Variants in NRXN3 observed in about 807,000 individuals in gnomAD.
NRXN3 encodes the protein neurexin 3, also known as neurexin III.
NRXN3 carries 32 observed loss-of-function variants against 137.6 expected under a neutral mutation model. The observed-to-expected ratio is 0.23, with a 90% confidence interval of 0.18 to 0.31. The LOEUF (loss-of-function observed/expected upper bound fraction) is 0.31, where lower values mean the gene tolerates loss of function less well. NRXN3 is among the 10% of genes least tolerant of loss of function. NRXN3 has a pLI of 1.00. For synonymous variants in NRXN3, 798 were observed against 784.5 expected (o/e 1.02, Z -0.29); for missense variants, 1,574 against 2,062.5 (o/e 0.76, Z 4.59).
At chr14:78,344,568 G>A (rs1321302082) in intron 4 of NRXN3, among the ~76,000 whole-genome samples, 1 of 152,172 alleles carries the variant, frequency 6.6e-6, no homozygotes, top group Non-Finnish European at 1.5e-5. Flanking sequence ...GCTACCACTG[G>A]CATTCAGGAT....
intron 8 of NRXN3, among the ~76,000 whole-genome samples, chr14:78,785,625 G>C (rs762861962): frequency 4.1e-4 from 63 of 152,168 alleles, no homozygotes; most frequent in Non-Finnish European, 1.3e-4. Flanking sequence ...AAGTGTTTAT[G>C]ACTTAATTTT....
chr14:78,916,196 A>G (rs954571916), intron 10 of NRXN3, among the ~76,000 whole-genome samples: 2 of 152,144 alleles, frequency 1.3e-5, no homozygotes, highest in Admixed American at 1.3e-4. Context: ...TTACACTGGA[A>G]TGGGTATAAA....
intron 4 of NRXN3, among the ~76,000 whole-genome samples, chr14:78,557,983 A>G (rs936086786): frequency 2.0e-5 from 3 of 152,224 alleles, no homozygotes; most frequent in African/African-American, 7.2e-5. Context: ...TATAGGTACT[A>G]TCATCCCCAT....
rs147133255 is a variant in NRXN3 at position 78,734,377 on chromosome 14, A to G, written c.2044+19238A>G. ...GATGTTATTTCAAAGACATACATAGATGAGCACTCCTGCATATCATGCTAT... is the reference window on the plus strand; with the variant it reads ...GATGTTATTTCAAAGACATACATAGGTGAGCACTCCTGCATATCATGCTAT... On this transcript the variant is annotated intron_variant, in intron 8 of 20. Coordinates refer to ENST00000335750, the MANE Select transcript of NRXN3 (RefSeq NM_001330195.2). 9.0e-4 allele frequency among the ~76,000 whole-genome samples: 137 copies of G among 152,332 alleles called. 1 individual carries two copies. Among genetic ancestry groups the G allele is most frequent in the African/African-American group, 3.3e-3 (137 of 41,578 alleles).
chr14:79,151,748 G>A (rs1270307125), intron 15 of NRXN3, among the ~76,000 whole-genome samples: 1 of 151,844 alleles, frequency 6.6e-6, no homozygotes, highest in African/African-American at 2.4e-5. Flanking sequence ...ACCGTGATGT[G>A]TCAGCAGCCT....
chr14:78,688,399 A>C (rs904657780), intron 6 of NRXN3, among the ~76,000 whole-genome samples: 1 of 152,184 alleles, frequency 6.6e-6, no homozygotes, highest in Non-Finnish European at 1.5e-5. Context: ...TTGCAAGAAA[A>C]AGGGAATGCT....
chr14:79,062,475 G>T (rs905990158), intron 15 of NRXN3, among the ~76,000 whole-genome samples: 2 of 152,126 alleles, frequency 1.3e-5, no homozygotes, highest in African/African-American at 4.8e-5. Context: ...TACTGACTCA[G>T]GCCCCCCAGA....
intron 16 of NRXN3, among the ~76,000 whole-genome samples, chr14:79,641,267 C>G (rs1310237930): frequency 7.4e-6 from 1 of 134,958 alleles, no homozygotes; most frequent in African/African-American, 2.5e-5. Context: ...CTCAGCCTCC[C>G]AAAGTGCTGG....
intron 4 of NRXN3, among the ~76,000 whole-genome samples, chr14:78,485,941 G>T (rs918653722): frequency 1.3e-5 from 2 of 152,176 alleles, no homozygotes; most frequent in African/African-American, 4.8e-5. Context: ...GTTTAGAGTT[G>T]TTTGATGACA....
intron 10 of NRXN3, among the ~76,000 whole-genome samples, chr14:78,899,581 T>C (rs1044176661): frequency 3.3e-5 from 5 of 152,012 alleles, no homozygotes; most frequent in Non-Finnish European, 7.4e-5. Flanking sequence ...ATTGGGAACT[T>C]AAGGGTTATT....
intron 15 of NRXN3, among the ~76,000 whole-genome samples, chr14:79,290,608 G>A (rs2083009571): frequency 6.6e-6 from 1 of 151,274 alleles, no homozygotes; most frequent in East Asian, 2.0e-4. Flanking sequence ...CATGGATGTG[G>A]TAGCAAGAGG....
chr14:79,384,817 A>G (rs1332265054), intron 15 of NRXN3, among the ~76,000 whole-genome samples: 1 of 152,208 alleles, frequency 6.6e-6, no homozygotes, highest in Non-Finnish European at 1.5e-5. Context: ...TAATAGTTCC[A>G]CGTTTTAGTA....
intron 15 of NRXN3, among the ~76,000 whole-genome samples, chr14:79,179,865 C>T (rs1547519): frequency 0.035 from 5,287 of 152,250 alleles, 245 homozygotes; most frequent in East Asian, 0.22. Flanking sequence ...TAATTCCCCT[C>T]AGGTGGAGAG....
intron 5 of NRXN3, among the ~76,000 whole-genome samples, chr14:78,649,479 A>T (rs1468291253): frequency 6.8e-6 from 1 of 147,176 alleles, no homozygotes; most frequent in Non-Finnish European, 1.5e-5. Flanking sequence ...AAGGGGATGC[A>T]CTTGTCCTAA....
In NRXN3 at chr14:78,243,886, G is replaced by A. The variant is rs2067311914; in HGVS notation, c.709+84G>A. On this transcript the variant is annotated intron_variant, in intron 2 of 20. Coordinates refer to ENST00000335750, the MANE Select transcript of NRXN3 (RefSeq NM_001330195.2). The surrounding 1 kb of genome is among the most constrained non-coding windows in gnomAD (Gnocchi z 4.2). ...TCCTGATACAAACCAGTTCTATATG[G>A]ATGCATATCTTTAGCTGCATGTTAG... is the stretch of plus-strand genomic sequence containing the variant. 1.0e-6 allele frequency: 1 copy of A among 987,980 alleles called. No individual in the cohort carries two copies. Among genetic ancestry groups the A allele is most frequent in the East Asian group, 2.4e-5 (1 of 41,438 alleles). The allele number at this position is 987,980 out of a possible 1,614,324, so 61.2% of individuals were successfully genotyped here.
intron 16 of NRXN3, among the ~76,000 whole-genome samples, chr14:79,553,002 C>G (rs998650468): frequency 1.3e-5 from 2 of 151,986 alleles, no homozygotes; most frequent in Non-Finnish European, 2.9e-5. Context: ...AAACTTTCTT[C>G]TGGTGAGAGA....
intron 15 of NRXN3, among the ~76,000 whole-genome samples, chr14:79,227,637 A>G (rs1388320059): frequency 6.6e-6 from 1 of 152,130 alleles, no homozygotes; most frequent in Admixed American, 6.6e-5. Context: ...TCGTTAGATC[A>G]CCAAAGGCAG....
At chr14:79,831,911 G>A (rs998615786) in intron 20 of NRXN3, among the ~76,000 whole-genome samples, 4 of 152,042 alleles carry the variant, frequency 2.6e-5, no homozygotes, top group Non-Finnish European at 5.9e-5. Context: ...TTATCTCAGG[G>A]TGGATTCTAA....
Position 79,429,051 on chromosome 14 carries a change from C to T in NRXN3, c.3263-38170C>T, listed in dbSNP as rs144253704. On this transcript the variant is annotated intron_variant, in intron 15 of 20. Coordinates refer to ENST00000335750, the MANE Select transcript of NRXN3 (RefSeq NM_001330195.2). ...TAAATTAAATTAGGACTGTGCATTG[C>T]GGAGCCCCCACCAGTTGTACTCCCT... Among the ~76,000 whole-genome samples the T allele has an allele frequency of 3.9e-3, 598 of 152,210 alleles. 2 individuals are homozygous for T. The highest frequency in any genetic ancestry group is 0.014 in the African/African-American group (562 of 41,520).
Sources: gnomAD v4.1 joint callset for allele counts (sites outside exome capture counted in the v4.1 genomes callset) on GRCh38, gnomAD v4.1.1 for gene constraint, Gnocchi (gnomAD v3.1) non-coding constraint, MANE v1.5 for transcripts, NCBI Gene and HGNC (gene_info 2026-07-23, HGNC 2026-07-21) for gene names.